The following ZFAT variants were observed in gnomAD, a reference collection of about 807,000 sequenced individuals.
ZFAT encodes the protein zinc finger and AT-hook domain containing.
ZFAT carries 64 observed loss-of-function variants against 117.7 expected under a neutral mutation model. The observed-to-expected ratio is 0.54, with a 90% CI of 0.44 to 0.67. The LOEUF is 0.67. Ranked by LOEUF, ZFAT falls within the 30% of genes least tolerant of loss-of-function variation. ZFAT has a pLI of 0.00. For missense variants in ZFAT, 1,433 were observed against 1,584.5 expected (o/e 0.90, Z 1.62); for synonymous variants, 679 against 615.0 (o/e 1.10, Z -1.54).
chr8:134,580,274 C>T (rs1278124182), intron 10 of ZFAT, among the ~76,000 whole-genome samples: 3 of 152,242 alleles, frequency 2.0e-5, no homozygotes, highest in African/African-American at 7.2e-5. Flanking sequence ...CACAGCTTCT[C>T]TACAGAGCAA....
At chr8:134,568,875 T>C (rs754206932) in intron 10 of ZFAT, among the ~76,000 whole-genome samples, 36 of 152,140 alleles carry the variant, frequency 2.4e-4, no homozygotes, top group Non-Finnish European at 4.7e-4. Context: ...TTTGAGACCA[T>C]CAGATGGCTT....
chr8:134,759,831 T>C, the ZFAT span, among the ~76,000 whole-genome samples: 58,505 of 151,362 alleles, frequency 0.39, 11,346 homozygotes, highest in Admixed American at 0.46. Context: ...ATTAGCTGGA[T>C]GTGATGGCAG....
At chr8:134,586,643 C>T (rs1034588154) in intron 9 of ZFAT, among the ~76,000 whole-genome samples, 2 of 152,228 alleles carry the variant, frequency 1.3e-5, no homozygotes, top group Middle Eastern at 3.2e-3. Context: ...GCATTCTTTG[C>T]TGAGCCAACT....
At chr8:134,523,436 C>G (rs146427208) in intron 12 of ZFAT, among the ~76,000 whole-genome samples, 1 of 152,232 alleles carries the variant, frequency 6.6e-6, no homozygotes, top group East Asian at 1.9e-4. Context: ...GTGTCTCCCA[C>G]GCCTCCTGGC....
At chr8:134,501,238 T>C (rs1379883547) in intron 15 of ZFAT, among the ~76,000 whole-genome samples, 1 of 152,180 alleles carries the variant, frequency 6.6e-6, no homozygotes, top group African/African-American at 2.4e-5. Flanking sequence ...ACTGGGTGCC[T>C]ATGCTCTCGG....
At chr8:134,672,099 A>G (rs140336336) in intron 1 of ZFAT, among the ~76,000 whole-genome samples, 1 of 143,282 alleles carries the variant, frequency 7.0e-6, no homozygotes, top group African/African-American at 2.6e-5. Context: ...TCAAGGAAAT[A>G]AAAGAGGATA....
chr8:134,654,004 C>A (rs752641055), intron 2 of ZFAT, among the ~76,000 whole-genome samples: 10 of 152,152 alleles, frequency 6.6e-5, no homozygotes, highest in Non-Finnish European at 1.2e-4. Context: ...TCTTTTACAG[C>A]AAGATTTCAG....
At chr8:134,659,417 G>A (rs1831818368) in intron 1 of ZFAT, among the ~76,000 whole-genome samples, 1 of 152,148 alleles carries the variant, frequency 6.6e-6, no homozygotes, top group Non-Finnish European at 1.5e-5. Context: ...GTCTGGAATT[G>A]CTGGTTCATG....
At chr8:134,726,026 C>T in the ZFAT span, among the ~76,000 whole-genome samples, 1 of 152,152 alleles carries the variant, frequency 6.6e-6, no homozygotes, top group Non-Finnish European at 1.5e-5. Context: ...GTGCCAGGCA[C>T]TGCCTAGGCT....
At chr8:134,725,877 G>A in the ZFAT span, among the ~76,000 whole-genome samples, 1 of 152,174 alleles carries the variant, frequency 6.6e-6, no homozygotes, top group Non-Finnish European at 1.5e-5. Context: ...AGAGAGCCAG[G>A]ACTCAGTAAT....
chr8:134,550,162 T>C (rs892181512), intron 11 of ZFAT, among the ~76,000 whole-genome samples: 2 of 152,114 alleles, frequency 1.3e-5, no homozygotes, highest in Non-Finnish European at 2.9e-5. Flanking sequence ...TTCCTGAAAG[T>C]GGAGAGGCTC....
At chr8:134,486,368 A>G (rs1422271101) in intron 15 of ZFAT, among the ~76,000 whole-genome samples, 1 of 151,838 alleles carries the variant, frequency 6.6e-6, no homozygotes, top group African/African-American at 2.4e-5. Flanking sequence ...GGGGAAAGAA[A>G]CTCCACCGAC....
chr8:134,722,472 A>T, the ZFAT span, among the ~76,000 whole-genome samples: 24 of 152,326 alleles, frequency 1.6e-4, no homozygotes, highest in Non-Finnish European at 3.2e-4. Flanking sequence ...TCACCTGGCC[A>T]GGCCCTCGTG....
chr8:134,774,854 T>A, the ZFAT span, among the ~76,000 whole-genome samples: 1 of 151,614 alleles, frequency 6.6e-6, no homozygotes, highest in African/African-American at 2.4e-5. Context: ...TGGTGGCTCA[T>A]GCCTGTAATC....
chr8:134,608,621 G>T, intron 5 of ZFAT, 108 bp downstream of exon 5: 1 of 1,389,964 alleles, frequency 7.2e-7, no homozygotes, highest in Non-Finnish European at 9.8e-7. Flanking sequence ...TTATAAACAA[G>T]TTTATAAGCA....
At chr8:134,789,744 A>C in the ZFAT span, among the ~76,000 whole-genome samples, 1 of 152,202 alleles carries the variant, frequency 6.6e-6, no homozygotes, top group East Asian at 1.9e-4. Flanking sequence ...AAAGCACAAC[A>C]GTTTAAGCCA....
intron 9 of ZFAT, among the ~76,000 whole-genome samples, chr8:134,586,160 A>G (rs1463689053): frequency 1.3e-5 from 2 of 152,196 alleles, no homozygotes; most frequent in Non-Finnish European, 2.9e-5. Context: ...TATAAATTAG[A>G]GAGGAAAAAA....
At chr8:134,657,254 G>T (rs1339090254) in intron 2 of ZFAT, among the ~76,000 whole-genome samples, 1 of 152,112 alleles carries the variant, frequency 6.6e-6, no homozygotes, top group African/African-American at 2.4e-5. Flanking sequence ...TTGGCTTCAG[G>T]TAATGCAGCC....
At chr8:134,780,850 T>C in the ZFAT span, among the ~76,000 whole-genome samples, 1 of 152,192 alleles carries the variant, frequency 6.6e-6, no homozygotes, top group African/African-American at 2.4e-5. Flanking sequence ...TACATGATTA[T>C]TAGTTATTTT....
Sources: allele counts gnomAD v4.1 joint callset (sites outside exome capture counted in the v4.1 genomes callset), GRCh38; gene constraint gnomAD v4.1.1; transcripts MANE v1.5; gene names NCBI Gene and HGNC (gene_info 2026-07-23, HGNC 2026-07-21).